The following FGGY variants were observed in gnomAD, a reference collection of about 807,000 sequenced individuals.
FGGY encodes the protein FGGY carbohydrate kinase domain-containing protein.
In FGGY, 72 loss-of-function variants were observed where a neutral mutation model predicts 71.3. The ratio of observed to expected loss-of-function variants is 1.01; its 90% CI spans 0.84 to 1.23. FGGY has a LOEUF of 1.23. FGGY is among the 50% of genes most tolerant of loss of function. The pLI, the probability that FGGY is intolerant of heterozygous loss-of-function variation, is 0.00. For synonymous variants in FGGY, 251 were observed against 250.3 expected (o/e 1.00, Z -0.02); for missense variants, 668 against 682.3 (o/e 0.98, Z 0.23).
chr1:59,466,119 A>T (rs2092608729), intron 6 of FGGY, among the ~76,000 whole-genome samples: 1 of 152,256 alleles, frequency 6.6e-6, no homozygotes. Context: ...ACAAGGCTAC[A>T]GTAACCAAAA....
chr1:59,424,462 GCTTGAACC>G (rs1458319435), intron 5 of FGGY, among the ~76,000 whole-genome samples: 1 of 152,124 alleles, frequency 6.6e-6, no homozygotes, highest in Non-Finnish European at 1.5e-5. Context: ...CAGGAGAATC[GCTTGAACC>G]CGAGAGGCAG....
At chr1:59,718,300 T>A (rs1364805703) in intron 14 of FGGY, among the ~76,000 whole-genome samples, 1 of 152,218 alleles carries the variant, frequency 6.6e-6, no homozygotes, top group Non-Finnish European at 1.5e-5. Flanking sequence ...CTCCTCCTGT[T>A]TATTAACACA....
At chr1:59,418,139 G>T (rs189556922) in intron 5 of FGGY, among the ~76,000 whole-genome samples, 1 of 152,088 alleles carries the variant, frequency 6.6e-6, no homozygotes, top group Admixed American at 6.6e-5. Context: ...CAGACTCAGT[G>T]TATAACTCCT....
intron 8 of FGGY, among the ~76,000 whole-genome samples, chr1:59,592,106 C>T (rs1276771144): frequency 3.9e-5 from 6 of 151,980 alleles, no homozygotes; most frequent in African/African-American, 1.5e-4. Context: ...AAAGCAACCC[C>T]ATCAAAAAGT....
At chr1:59,379,343 T>G (rs553612852) in intron 5 of FGGY, among the ~76,000 whole-genome samples, 1 of 152,318 alleles carries the variant, frequency 6.6e-6, no homozygotes, top group South Asian at 2.1e-4. Context: ...AGCCTATTGC[T>G]GCTTGGCTAC....
At chr1:59,760,574 T>C (rs1343456691) in intron 15 of FGGY, among the ~76,000 whole-genome samples, 3 of 152,274 alleles carry the variant, frequency 2.0e-5, no homozygotes, top group East Asian at 1.9e-4. Context: ...AACATATAAA[T>C]GAAGAATGAT....
At chr1:59,636,438 G>A (rs1326658408) in intron 10 of FGGY, among the ~76,000 whole-genome samples, 1 of 152,048 alleles carries the variant, frequency 6.6e-6, no homozygotes, top group Admixed American at 6.5e-5. Context: ...TGGCTAACAC[G>A]GTGAAGCCCC....
intron 3 of FGGY, among the ~76,000 whole-genome samples, chr1:59,344,306 T>G (rs1178875374): frequency 2.3e-5 from 3 of 129,878 alleles, no homozygotes; most frequent in Admixed American, 7.2e-5. Context: ...TTTTTTGTTG[T>G]TTTTTTTTTT....
rs372134285 is a variant in FGGY at position 59,589,532 on chromosome 1, T to A, written c.904-18271T>A. Among the ~76,000 whole-genome samples the A allele has an allele frequency of 9.9e-5, 15 of 152,274 alleles. No homozygotes were observed. In the South Asian group the frequency reaches 1.5e-3, roughly 15 times the overall value. ...CCTATTCCAAAATTGACCACATAGT[T>A]GGAAGTAAAGCTCTCCTGAGCAAAT... is the stretch of plus-strand genomic sequence containing the variant. On this transcript the variant is annotated intron_variant, in intron 8 of 15. Coordinates refer to ENST00000303721, the MANE Select transcript of FGGY (RefSeq NM_018291.5).
chr1:59,709,223 A>C (rs370630751), intron 14 of FGGY, among the ~76,000 whole-genome samples: 1 of 152,218 alleles, frequency 6.6e-6, no homozygotes, highest in African/African-American at 2.4e-5. Context: ...GGAAACTTAC[A>C]ATCATGGTGG....
intron 8 of FGGY, among the ~76,000 whole-genome samples, chr1:59,575,665 C>T (rs2096064760): frequency 6.6e-6 from 1 of 152,110 alleles, no homozygotes; most frequent in South Asian, 2.1e-4. Context: ...TTTGAGGAAA[C>T]TCCATACTGT....
chr1:59,721,084 G>C (rs1250413645), intron 14 of FGGY, among the ~76,000 whole-genome samples: 1 of 152,058 alleles, frequency 6.6e-6, no homozygotes, highest in African/African-American at 2.4e-5. Context: ...TTTTATCAGA[G>C]AGATGCCATT....
At chr1:59,528,337 A>G (rs1263334042) in intron 7 of FGGY, among the ~76,000 whole-genome samples, 1 of 152,328 alleles carries the variant, frequency 6.6e-6, no homozygotes, top group East Asian at 1.9e-4. Flanking sequence ...ATGGCTGTGC[A>G]CATTCTCACC....
intron 5 of FGGY, among the ~76,000 whole-genome samples, chr1:59,445,260 C>A (rs1399901618): frequency 6.6e-6 from 1 of 152,148 alleles, no homozygotes; most frequent in East Asian, 1.9e-4. Context: ...TGGCCACTTG[C>A]TTGCCTCACT....
At chr1:59,731,840 C>T (rs1175729889) in intron 14 of FGGY, among the ~76,000 whole-genome samples, 1 of 152,052 alleles carries the variant, frequency 6.6e-6, no homozygotes, top group Non-Finnish European at 1.5e-5. Context: ...GCTCTGATCC[C>T]CTGCTCCGAA....
chr1:59,660,323 G>A, intron 12 of FGGY, 30 bp downstream of exon 12: 1 of 1,584,774 alleles, frequency 6.3e-7, no homozygotes, highest in Non-Finnish European at 8.6e-7. Context: ...TTTTTAAAGA[G>A]ACTTAGAGCC....
At chr1:59,374,280 G>A (rs1459427690) in intron 4 of FGGY, among the ~76,000 whole-genome samples, 1 of 152,212 alleles carries the variant, frequency 6.6e-6, no homozygotes, top group African/African-American at 2.4e-5. Flanking sequence ...AGACATTTAT[G>A]CAGCCAGAAA....
intron 9 of FGGY, among the ~76,000 whole-genome samples, chr1:59,619,644 C>G (rs867890224): frequency 3.2e-4 from 48 of 152,022 alleles, no homozygotes; most frequent in African/African-American, 1.1e-3. Flanking sequence ...ATGACAGTTG[C>G]AGGGAACAAG....
At chr1:59,488,263 A>G (rs1558097775) in intron 6 of FGGY, among the ~76,000 whole-genome samples, 2 of 152,180 alleles carry the variant, frequency 1.3e-5, no homozygotes, top group Admixed American at 6.5e-5. Flanking sequence ...AATACACAAA[A>G]ATACTGCAGG....
Sources: gnomAD v4.1 joint callset for allele counts (sites outside exome capture counted in the v4.1 genomes callset) on GRCh38, gnomAD v4.1.1 for gene constraint, MANE v1.5 for transcripts, NCBI Gene and HGNC (gene_info 2026-07-23, HGNC 2026-07-21) for gene names.